RAPGEF4: variants seen among roughly 807,000 people sequenced by gnomAD.
RAPGEF4 encodes RAP guanine-nucleotide-exchange factor (GEF) 4.
Under a neutral mutation model 147.9 loss-of-function variants are expected in RAPGEF4, and 66 were observed. That is an observed-to-expected ratio of 0.45 (90% CI 0.37 to 0.55). The LOEUF (loss-of-function observed/expected upper bound fraction) is 0.55. Ranked by LOEUF, RAPGEF4 falls within the 20% of genes least tolerant of loss-of-function variation. The probability of loss-of-function intolerance (pLI) is 0.00; values close to 1 mark genes in which losing one functional copy is unlikely to be tolerated. For synonymous variants in RAPGEF4, 419 were observed against 442.7 expected (o/e 0.95, Z 0.67); for missense variants, 1,071 against 1,257.3 (o/e 0.85, Z 2.24).
intron 6 of RAPGEF4, among the ~76,000 whole-genome samples, chr2:172,942,497 A>G (rs1207482790): frequency 6.6e-6 from 1 of 150,808 alleles, no homozygotes; most frequent in African/African-American, 2.4e-5. Flanking sequence ...GCTATATGCC[A>G]GGTGCCTCAA....
chr2:172,949,366 G>A (rs1290116719), intron 6 of RAPGEF4, among the ~76,000 whole-genome samples: 4 of 152,138 alleles, frequency 2.6e-5, no homozygotes, highest in African/African-American at 9.7e-5. Flanking sequence ...AATATTTACT[G>A]TAATGGAGAT....
At position 173,017,493 on chromosome 2, in the gene RAPGEF4, G is replaced by A. The variant is rs182317769; in HGVS notation, c.1997G>A (p.Gly666Asp). Residue 666 changes from glycine (G) to aspartate (D), a missense_variant, in exon 21 of 31, where the codon GGC becomes GAC. Transcript: ENST00000397081. The part of the protein sequence containing the change: ...ERAQKRQPIR[G>D]SDEVLFKVYC... ...GCCCAGAAGCGCCAGCCTATCCGCG[G>A]CTCTGATGAAGGTGAGAACCCTCTT... The A allele has an allele frequency of 2.6e-4, 424 of 1,613,666 alleles. 1 individual carries two copies. The African/African-American group carries it at 4.9e-3, about 19-fold the overall frequency.
intron 25 of RAPGEF4, 34 bp downstream of exon 25, chr2:173,027,293 A>C (rs1559196342): frequency 2.0e-6 from 3 of 1,508,418 alleles, no homozygotes. Flanking sequence ...AGAAAAAAAA[A>C]TGTTGAGCTG....
At chr2:172,747,557 C>T (rs1694891643) in intron 1 of RAPGEF4, among the ~76,000 whole-genome samples, 2 of 152,266 alleles carry the variant, frequency 1.3e-5, no homozygotes, top group South Asian at 2.1e-4. Context: ...GCTTTGAATT[C>T]CTGGCTCAAG....
chr2:173,044,014 C>G (rs2106060819), intron 29 of RAPGEF4, among the ~76,000 whole-genome samples: 1 of 152,310 alleles, frequency 6.6e-6, no homozygotes, highest in South Asian at 2.1e-4. Context: ...CAATGAAAGA[C>G]AGCAAGTTCA....
intron 4 of RAPGEF4, among the ~76,000 whole-genome samples, chr2:172,895,616 A>G (rs1321452451): frequency 1.3e-5 from 2 of 152,328 alleles, no homozygotes; most frequent in Admixed American, 6.5e-5. Flanking sequence ...GAAGTAATCT[A>G]CTTCTAATGT....
chr2:172,987,467 A>G (rs529683392), intron 12 of RAPGEF4, among the ~76,000 whole-genome samples: 123 of 152,276 alleles, frequency 8.1e-4, no homozygotes, highest in African/African-American at 2.7e-3. Context: ...CTCTACATCT[A>G]TGTGTTCCAC....
intron 8 of RAPGEF4, among the ~76,000 whole-genome samples, chr2:172,963,978 C>T (rs1689565606): frequency 6.6e-6 from 1 of 152,190 alleles, no homozygotes; most frequent in Non-Finnish European, 1.5e-5. Flanking sequence ...GATTCTTAAA[C>T]CCTTTGTAAG....
At chr2:173,051,387 T>TA in intron 30 of RAPGEF4, among the ~76,000 whole-genome samples, 1 of 95,436 alleles carries the variant, frequency 1.0e-5, no homozygotes, top group Non-Finnish European at 2.2e-5. Flanking sequence ...TTTGGTGCCA[T>TA]TTTTTTTTTA....
chr2:172,801,015 A>C (rs1174064410), intron 3 of RAPGEF4, among the ~76,000 whole-genome samples: 1 of 152,182 alleles, frequency 6.6e-6, no homozygotes, highest in East Asian at 1.9e-4. Flanking sequence ...ATCATTGCTA[A>C]GTGCCTTCCT....
intron 6 of RAPGEF4, among the ~76,000 whole-genome samples, chr2:172,953,999 T>C (rs1000672215): frequency 1.3e-5 from 2 of 152,218 alleles, no homozygotes; most frequent in Non-Finnish European, 2.9e-5. Flanking sequence ...GCCTTTATTA[T>C]GGTGAATGCT....
At chr2:173,018,534 A>G in intron 21 of RAPGEF4, 122 bp from the exon 22 acceptor site, 3 of 1,058,374 alleles carry the variant, frequency 2.8e-6, no homozygotes, top group Non-Finnish European at 4.1e-6. Context: ...GTATGAATAA[A>G]TACAGTAACA....
intron 4 of RAPGEF4, among the ~76,000 whole-genome samples, chr2:172,844,696 C>CT (rs1298350905): frequency 6.6e-6 from 1 of 152,150 alleles, no homozygotes; most frequent in African/African-American, 2.4e-5. Context: ...CAGAGGACTT[C>CT]TTTGAGACAT....
chr2:172,860,888 T>C (rs895961613), intron 4 of RAPGEF4, among the ~76,000 whole-genome samples: 1 of 152,204 alleles, frequency 6.6e-6, no homozygotes, highest in African/African-American at 2.4e-5. Flanking sequence ...TTCAGCAGTT[T>C]TAAAAATTTG....
rs148819447 is a variant in RAPGEF4 at position 172,911,639 on chromosome 2, A to G, written c.445-6163A>G. On this transcript the variant is annotated intron_variant, in intron 4 of 30. Transcript: ENST00000397081. ...ACACCCAGCTAATTTCTGTATTTTT[A>G]GTAGAGACGAGGTTTCACCATGTTG... Among the ~76,000 whole-genome samples, 193 of 149,786 alleles carry G rather than the reference A, an allele frequency of 1.3e-3. 3 individuals carry two copies. The highest frequency in any genetic ancestry group is 4.3e-3 in the African/African-American group (176 of 40,804).
At chr2:172,741,249 A>G (rs1412152373) in intron 1 of RAPGEF4, among the ~76,000 whole-genome samples, 1 of 152,240 alleles carries the variant, frequency 6.6e-6, no homozygotes, top group Non-Finnish European at 1.5e-5. Context: ...TTCCATTGTA[A>G]TGGCCTGCTT....
chr2:172,940,574 A>G (rs138863492), intron 6 of RAPGEF4, among the ~76,000 whole-genome samples: 98 of 152,290 alleles, frequency 6.4e-4, no homozygotes, highest in African/African-American at 2.3e-3. Flanking sequence ...AGGCCTCCCC[A>G]TAAGTAGATG....
chr2:172,948,208 G>T (rs1687872275), intron 6 of RAPGEF4, among the ~76,000 whole-genome samples: 1 of 152,138 alleles, frequency 6.6e-6, no homozygotes, highest in African/African-American at 2.4e-5. Context: ...GAACATTTTA[G>T]TATATGTCTT....
At chr2:172,921,528 T>G (rs546428003) in intron 5 of RAPGEF4, among the ~76,000 whole-genome samples, 26 of 152,238 alleles carry the variant, frequency 1.7e-4, no homozygotes, top group Non-Finnish European at 3.4e-4. Context: ...AGTTTGAAGA[T>G]AGGTGCAAAC....
Sources: allele counts gnomAD v4.1 joint callset (sites outside exome capture counted in the v4.1 genomes callset), GRCh38; gene constraint gnomAD v4.1.1; transcripts MANE v1.5; gene names NCBI Gene and HGNC (gene_info 2026-07-23, HGNC 2026-07-21).